XKR6: variants seen among roughly 807,000 people sequenced by gnomAD.
The protein encoded by XKR6 is XK related 6.
XKR6 carries 22 observed loss-of-function variants against 56.7 expected under a neutral mutation model. That is an observed-to-expected ratio of 0.39 (90% confidence interval 0.28 to 0.55). The LOEUF is 0.55. XKR6 is among the 20% of genes least tolerant of loss of function. The pLI is 0.66. For synonymous variants in XKR6, 524 were observed against 387.8 expected (o/e 1.35, Z -4.13); for missense variants, 852 against 889.0 (o/e 0.96, Z 0.53).
At chr8:11,171,101 G>C (rs756109201) in intron 1 of XKR6, among the ~76,000 whole-genome samples, 3 of 152,210 alleles carry the variant, frequency 2.0e-5, no homozygotes, top group Non-Finnish European at 2.9e-5. Context: ...CCTAAACTCT[G>C]TGTTTTCACA....
chr8:11,190,440 T>A (rs1318203746), intron 1 of XKR6, among the ~76,000 whole-genome samples: 1 of 152,152 alleles, frequency 6.6e-6, no homozygotes, highest in South Asian at 2.1e-4. Context: ...CTTTGTGTAA[T>A]GTGGAAGTCA....
intron 1 of XKR6, among the ~76,000 whole-genome samples, chr8:11,002,871 A>G (rs1398799301): frequency 2.0e-5 from 3 of 152,186 alleles, no homozygotes; most frequent in Non-Finnish European, 4.4e-5. Context: ...GGTGGAAATA[A>G]TCTGGGTATG....
At chr8:11,170,537 GC>G (rs1379349457) in intron 1 of XKR6, among the ~76,000 whole-genome samples, 1 of 152,182 alleles carries the variant, frequency 6.6e-6, no homozygotes, top group Non-Finnish European at 1.5e-5. Flanking sequence ...GTTCCCAGGG[GC>G]TGGGAAAGGG....
intron 1 of XKR6, among the ~76,000 whole-genome samples, chr8:11,048,396 C>A (rs1056139810): frequency 6.6e-6 from 1 of 152,142 alleles, no homozygotes; most frequent in Non-Finnish European, 1.5e-5. Context: ...TCTCTCCCCG[C>A]CCCGCCCACC....
At chr8:11,013,767 A>T (rs1798552241) in intron 1 of XKR6, among the ~76,000 whole-genome samples, 1 of 152,204 alleles carries the variant, frequency 6.6e-6, no homozygotes, top group East Asian at 1.9e-4. Flanking sequence ...GGCAGAATGA[A>T]TTAAACAAAA....
At chr8:11,112,883 T>C (rs1798974932) in intron 1 of XKR6, among the ~76,000 whole-genome samples, 1 of 152,210 alleles carries the variant, frequency 6.6e-6, no homozygotes. Flanking sequence ...ACACATTTTA[T>C]AAATGTTAAA....
intron 1 of XKR6, among the ~76,000 whole-genome samples, chr8:10,957,003 T>C (rs1801909752): frequency 6.6e-6 from 1 of 152,190 alleles, no homozygotes; most frequent in Admixed American, 6.5e-5. Context: ...CAGGCTTGAG[T>C]GCAGTGGTGT....
intron 1 of XKR6, among the ~76,000 whole-genome samples, chr8:10,980,719 A>ACT (rs1797712526): frequency 6.6e-6 from 1 of 152,106 alleles, no homozygotes; most frequent in Admixed American, 6.5e-5. Context: ...ATGGATTATG[A>ACT]CTCGGGATTG....
chr8:11,054,111 A>T (rs1256403017), intron 1 of XKR6, among the ~76,000 whole-genome samples: 1 of 152,220 alleles, frequency 6.6e-6, no homozygotes, highest in Non-Finnish European at 1.5e-5. Flanking sequence ...TGAAAGTTCC[A>T]AGCATGCACT....
At chr8:10,966,537 G>T (rs1039343560) in intron 1 of XKR6, among the ~76,000 whole-genome samples, 8 of 152,118 alleles carry the variant, frequency 5.3e-5, no homozygotes, top group Non-Finnish European at 1.0e-4. Context: ...AGCCTGGCGT[G>T]GTGGTGGGCA....
At chr8:11,110,217 C>A (rs1798837653) in intron 1 of XKR6, among the ~76,000 whole-genome samples, 1 of 152,196 alleles carries the variant, frequency 6.6e-6, no homozygotes, top group Non-Finnish European at 1.5e-5. Context: ...AAGTGCTCAG[C>A]CCACCTTGGC....
At chr8:11,123,226 C>T (rs1455954910) in intron 1 of XKR6, among the ~76,000 whole-genome samples, 1 of 136,974 alleles carries the variant, frequency 7.3e-6, no homozygotes, top group Non-Finnish European at 1.5e-5. Context: ...GGCAGAGTGA[C>T]TCTGTGTAGA....
intron 1 of XKR6, among the ~76,000 whole-genome samples, chr8:11,162,830 C>T (rs1162811183): frequency 1.1e-4 from 16 of 152,232 alleles, no homozygotes; most frequent in Admixed American, 9.8e-4. Context: ...TAAGCCATTA[C>T]CACTAACAGT....
intron 1 of XKR6, among the ~76,000 whole-genome samples, chr8:10,948,166 C>G (rs1801608105): frequency 6.6e-6 from 1 of 152,148 alleles, no homozygotes; most frequent in Non-Finnish European, 1.5e-5. Context: ...AACCAGTATC[C>G]CAGCTACGGG....
chr8:11,024,731 G>T (rs1317180806), intron 1 of XKR6, among the ~76,000 whole-genome samples: 1 of 152,214 alleles, frequency 6.6e-6, no homozygotes, highest in Non-Finnish European at 1.5e-5. Context: ...GGCCCAAGAG[G>T]GCCAAGTCAC....
At chr8:11,095,181 G>T (rs1798227452) in intron 1 of XKR6, among the ~76,000 whole-genome samples, 1 of 152,210 alleles carries the variant, frequency 6.6e-6, no homozygotes, top group Non-Finnish European at 1.5e-5. Context: ...TCAAGTTTGT[G>T]CAAATACGTA....
rs571977134 is a variant in XKR6, at chr8:11,188,823, C to A, written c.764+11753G>T. 1.2e-4 allele frequency among the ~76,000 whole-genome samples: 18 copies of A among 152,300 alleles called. No homozygotes were observed. In the South Asian group the frequency reaches 3.7e-3, roughly 32 times the overall value. On this transcript the variant is annotated intron_variant, in intron 1 of 2. Transcript: ENST00000416569. ...GACCCCAGGCCCCACCTCTGCCAGC[C>A]CAGCCTCTCCTAGGATTTCTGGCCC...
chr8:11,001,747 G>A (rs1440999537), intron 1 of XKR6, among the ~76,000 whole-genome samples: 1 of 152,194 alleles, frequency 6.6e-6, no homozygotes, highest in African/African-American at 2.4e-5. Context: ...AGTCCACAAG[G>A]ACTTCCTGCC....
chr8:11,025,409 GAA>G (rs1798838377), intron 1 of XKR6, among the ~76,000 whole-genome samples: 1 of 152,142 alleles, frequency 6.6e-6, no homozygotes, highest in Non-Finnish European at 1.5e-5. Context: ...AATACCTATT[GAA>G]TACCTGCTAA....
Sources: allele counts gnomAD v4.1 joint callset (sites outside exome capture counted in the v4.1 genomes callset), GRCh38; gene constraint gnomAD v4.1.1; transcripts MANE v1.5; gene names NCBI Gene and HGNC (gene_info 2026-07-23, HGNC 2026-07-21).